ZNF518A: variants seen among roughly 807,000 people sequenced by gnomAD.
The protein encoded by ZNF518A is zinc finger protein 518.
Under a neutral mutation model 102.7 loss-of-function variants are expected in ZNF518A, and 47 were observed. The observed-to-expected ratio is 0.46, with a 90% CI of 0.36 to 0.58. The LOEUF is 0.58. Among genes scored for constraint, ZNF518A ranks in the 20% least tolerant of loss-of-function variants. The pLI is 0.00. For missense variants in ZNF518A, 1,793 were observed against 1,699.8 expected (o/e 1.05, Z -0.96); for synonymous variants, 652 against 594.6 (o/e 1.10, Z -1.40).
chr10:96,152,160 A>G (rs1007220892), intron 3 of ZNF518A, among the ~76,000 whole-genome samples: 5 of 152,182 alleles, frequency 3.3e-5, no homozygotes, highest in Admixed American at 2.0e-4. Flanking sequence ...GAAAAATACA[A>G]AAATTAGCGG....
chr10:96,147,710 C>T (rs1165802087), intron 3 of ZNF518A, among the ~76,000 whole-genome samples: 1 of 152,122 alleles, frequency 6.6e-6, no homozygotes, highest in Non-Finnish European at 1.5e-5. Flanking sequence ...CCTTTGTTTT[C>T]TGACCTTTTT....
rs973141540 is a variant in ZNF518A, at chr10:96,130,457, A to C, written c.-748A>C. ...ATTCTAGGAGCTGGGTGGGAGTAGG[A>C]GACGGTGTGCCTCCGCGCTCCCCGC... is the stretch of plus-strand genomic sequence containing the variant. On this transcript the variant is annotated 5_prime_UTR_variant, in exon 1 of 6. Coordinates refer to ENST00000316045, the MANE Select transcript of ZNF518A (RefSeq NM_001330736.2). 6.6e-6 allele frequency among the ~76,000 whole-genome samples: 1 copy of C among 152,194 alleles called. No homozygotes were observed. Among genetic ancestry groups the C allele is most frequent in the East Asian group, 1.9e-4 (1 of 5,196 alleles).
chr10:96,201,912 T>G (rs2083652922), intron 1 of ZNF518A, among the ~76,000 whole-genome samples: 2 of 152,076 alleles, frequency 1.3e-5, no homozygotes, highest in African/African-American at 4.8e-5. Context: ...ATATATAATG[T>G]TAGAGGGTCA....
At chr10:96,152,680 T>C (rs953017364) in intron 3 of ZNF518A, among the ~76,000 whole-genome samples, 1 of 152,238 alleles carries the variant, frequency 6.6e-6, no homozygotes, top group Non-Finnish European at 1.5e-5. Flanking sequence ...TGTTACACAC[T>C]TTGACTATAT....
intron 1 of ZNF518A, among the ~76,000 whole-genome samples, chr10:96,203,031 A>C (rs2083688348): frequency 6.6e-6 from 1 of 152,136 alleles, no homozygotes; most frequent in African/African-American, 2.4e-5. Flanking sequence ...CATTTACCTG[A>C]TATGATATTA....
intron 1 of ZNF518A, among the ~76,000 whole-genome samples, chr10:96,202,275 G>T (rs1554896415): frequency 6.6e-6 from 1 of 152,164 alleles, no homozygotes; most frequent in African/African-American, 2.4e-5. Flanking sequence ...TTTTAACAGG[G>T]TCATTCCAGC....
downstream of ZNF518A, among the ~76,000 whole-genome samples, chr10:96,167,923 A>C (rs587714543): frequency 3.3e-5 from 5 of 152,382 alleles, no homozygotes; most frequent in East Asian, 9.6e-4. Flanking sequence ...AGGAGGTTGT[A>C]AAACAAGTCT....
At chr10:96,204,612 T>C (rs1255951611), downstream of ZNF518A, 2 of 1,613,656 alleles carry the variant, frequency 1.2e-6, no homozygotes, top group African/African-American at 2.7e-5. Context: ...CAGGTATAGG[T>C]TTTTCTGGAT....
chr10:96,132,213 G>A (rs947616567), intron 1 of ZNF518A, among the ~76,000 whole-genome samples: 2 of 151,368 alleles, frequency 1.3e-5, no homozygotes, highest in African/African-American at 2.4e-5. Flanking sequence ...GCTTCTCATG[G>A]TGAGCAGTTT....
intron 1 of ZNF518A, among the ~76,000 whole-genome samples, chr10:96,169,442 T>A (rs1436602075): frequency 1.3e-5 from 2 of 152,266 alleles, no homozygotes; most frequent in Non-Finnish European, 2.9e-5. Flanking sequence ...AGCTTACATC[T>A]GCTGTTGAGC....
chr10:96,152,426 TA>T (rs1489519127), intron 3 of ZNF518A, among the ~76,000 whole-genome samples: 1 of 152,252 alleles, frequency 6.6e-6, no homozygotes, highest in African/African-American at 2.4e-5. Flanking sequence ...TTTCTTTTTT[TA>T]TGTTGAGACG....
At chr10:96,131,290 C>CA (rs1554871691) in intron 1 of ZNF518A, among the ~76,000 whole-genome samples, 2 of 152,084 alleles carry the variant, frequency 1.3e-5, no homozygotes, top group African/African-American at 4.8e-5. Flanking sequence ...AGCAAGGGGT[C>CA]TGATTTGAGT....
Position 96,157,295 on chromosome 10 carries a change from A to T in ZNF518A, c.973A>T (p.Lys325Ter). 6.2e-7 allele frequency: 1 copy of T among 1,612,350 alleles called. No individual in the cohort carries two copies. Among genetic ancestry groups the T allele is most frequent in the Non-Finnish European group, 8.5e-7 (1 of 1,179,122 alleles). ...LKRYKIGASR[K>*]TFWKRKKINS... Reference sequence around the variant, plus strand: ...AAGATATAAAATAGGTGCATCAAGGAAGACGTTCTGGAAACGTAAGAAAAT... The same window carrying T: ...AAGATATAAAATAGGTGCATCAAGGTAGACGTTCTGGAAACGTAAGAAAAT... The change falls in exon 6 of 6, where the codon AAG (lysine) becomes TAG (stop). Residue 325 changes from lysine (K) to a stop codon, truncating the protein, a stop_gained. Transcript: ENST00000316045. LOFTEE classifies it high-confidence loss of function.
intron 1 of ZNF518A, among the ~76,000 whole-genome samples, chr10:96,169,321 C>A: frequency 6.6e-6 from 1 of 152,176 alleles, no homozygotes; most frequent in East Asian, 1.9e-4. Flanking sequence ...TGATATTCTT[C>A]ATGGTATCAT....
intron 2 of ZNF518A, chr10:96,203,863 T>A: frequency 2.3e-6 from 1 of 437,062 alleles, no homozygotes. Context: ...TTGCCTCAAA[T>A]ATATTTACTT....
intron 1 of ZNF518A, among the ~76,000 whole-genome samples, chr10:96,180,502 C>T (rs979767642): frequency 1.3e-5 from 2 of 152,012 alleles, no homozygotes; most frequent in Non-Finnish European, 2.9e-5. Flanking sequence ...CTCCTCCCCC[C>T]ACCCCACAAT....
Position 96,133,659 on chromosome 10 carries a change from A to G in ZNF518A, c.-302+11A>G, listed in dbSNP as rs1262598334. 6.6e-6 allele frequency: 1 copy of G among 152,210 alleles called. No individual in the cohort carries two copies. The highest frequency in any genetic ancestry group is 1.5e-5 in the Non-Finnish European group (1 of 68,018). 9.4% of individuals were successfully genotyped at this position (152,210 alleles called of 1,614,324 possible). A position where few individuals can be genotyped will look rare whatever the true frequency, so the allele number is the denominator to read the frequency against. Reference sequence around the variant, plus strand: ...ATTCCTCTAAATGCAGTAAGTATACACATAAGTATGACCGTAAATTAGGAA... The same window carrying G: ...ATTCCTCTAAATGCAGTAAGTATACGCATAAGTATGACCGTAAATTAGGAA... On this transcript the variant is annotated intron_variant, in intron 3 of 5. Coordinates refer to ENST00000316045, the MANE Select transcript of ZNF518A (RefSeq NM_001330736.2).
Position 96,160,491 on chromosome 10 carries a change from C to T in ZNF518A, c.4169C>T (p.Pro1390Leu), listed in dbSNP as rs782306585. Residue 1390 changes from proline (P) to leucine (L), a missense_variant, in exon 6 of 6, where the codon CCA becomes CTA. Around this residue, in one of 3 missense-constraint regions of ZNF518A, gnomAD observed 1,741 missense variants for 1,622.6 expected, o/e 1.07. Coordinates refer to ENST00000316045, the MANE Select transcript of ZNF518A (RefSeq NM_001330736.2). ...AGAACTATAAATGCTTTACTGAAAC[C>T]AGTTTGTTATAACCCTCCTAAAACA... is the stretch of plus-strand genomic sequence containing the variant. ...SKRTINALLK[P>L]VCYNPPKTTY... 4.3e-6 allele frequency: 7 copies of T among 1,613,060 alleles called. No homozygotes were observed. Among genetic ancestry groups the T allele is most frequent in the Non-Finnish European group, 5.1e-6 (6 of 1,179,548 alleles).
intron 1 of ZNF518A, among the ~76,000 whole-genome samples, chr10:96,173,712 GAATAA>G (rs1293694087): frequency 2.0e-5 from 3 of 151,974 alleles, no homozygotes; most frequent in Non-Finnish European, 4.4e-5. Flanking sequence ...TTGCATAAAT[GAATAA>G]AATAACAACA....
Sources: allele counts gnomAD v4.1 joint callset (sites outside exome capture counted in the v4.1 genomes callset), GRCh38; gene constraint gnomAD v4.1.1; regional missense constraint gnomAD v4.1.1; transcripts MANE v1.5; gene names NCBI Gene and HGNC (gene_info 2026-07-23, HGNC 2026-07-21).